Variants in ARL10 observed in about 807,000 individuals in gnomAD.
The protein encoded by ARL10 is ARF like GTPase 10, also known as ADP-ribosylation factor-like protein 10.
A neutral mutation model predicts 26.1 loss-of-function variants in ARL10; 23 were observed. That is an observed-to-expected ratio of 0.88 (90% confidence interval 0.63 to 1.25). The LOEUF (loss-of-function observed/expected upper bound fraction) is 1.25. Ranked by LOEUF, ARL10 falls within the 50% of genes most tolerant of loss-of-function variation. ARL10 has a pLI of 0.00. For synonymous variants in ARL10, 138 were observed against 149.1 expected (o/e 0.93, Z 0.54); for missense variants, 300 against 323.6 (o/e 0.93, Z 0.56).
chr5:176,411,740 C>T, the ARL10 span, among the ~76,000 whole-genome samples: 1 of 152,160 alleles, frequency 6.6e-6, no homozygotes, highest in Admixed American at 6.5e-5. Context: ...AACCCTGGAA[C>T]ATGAGGATCT....
chr5:176,366,157 C>A (rs1362790253), intron 1 of ARL10, among the ~76,000 whole-genome samples: 1 of 152,196 alleles, frequency 6.6e-6, no homozygotes, highest in South Asian at 2.1e-4. Context: ...GTCGGGACTC[C>A]GAGACCGGTG....
chr5:176,397,765 A>C, intron 1 of ARL10: 1 of 1,578,564 alleles, frequency 6.3e-7, no homozygotes, highest in Middle Eastern at 1.7e-4. Context: ...GCTGGGATGC[A>C]CAGGCCCGGC....
chr5:176,397,950 C>G, intron 1 of ARL10: 1 of 1,614,026 alleles, frequency 6.2e-7, no homozygotes, highest in Non-Finnish European at 8.5e-7. Context: ...CAGCCGTTTC[C>G]TCTGCTCCTC....
intron 1 of ARL10, among the ~76,000 whole-genome samples, chr5:176,398,719 T>C (rs1362617489): frequency 2.0e-5 from 3 of 151,704 alleles, no homozygotes; most frequent in African/African-American, 4.8e-5. Context: ...TCTCAAAAAA[T>C]AAACAAATAA....
chr5:176,386,037 T>C (rs1488293360), downstream of ARL10: 1 of 152,576 alleles, frequency 6.6e-6, no homozygotes, highest in Non-Finnish European at 1.5e-5. Flanking sequence ...TAGAGGAAGA[T>C]GGGGAGTTGT....
downstream of ARL10, chr5:176,406,334 TC>T: frequency 3.6e-6 from 4 of 1,101,154 alleles, no homozygotes; most frequent in Non-Finnish European, 4.5e-6. Flanking sequence ...TCAGTCTAGC[TC>T]CCTAGAATCC....
rs1476314506 is a variant in ARL10, at chr5:176,374,577, A to C, written c.*2682A>C. On this transcript the variant is annotated 3_prime_UTR_variant, in exon 4 of 4. Coordinates refer to ENST00000310389, the MANE Select transcript of ARL10 (RefSeq NM_173664.6). Reference sequence around the variant, plus strand: ...AAACCAAACTGATTGGAATCAAACAACTCAAGTTCAGACGATAAAAATAGT... The same window carrying C: ...AAACCAAACTGATTGGAATCAAACACCTCAAGTTCAGACGATAAAAATAGT... 6.6e-6 allele frequency: 1 copy of C among 152,166 alleles called. No homozygotes were observed. 9.4% of individuals were successfully genotyped at this position (152,166 alleles called of 1,614,324 possible).
downstream of ARL10, among the ~76,000 whole-genome samples, chr5:176,390,308 ACCTT>A (rs1468938772): frequency 4.7e-4 from 71 of 152,050 alleles, no homozygotes; most frequent in Admixed American, 4.7e-3. Flanking sequence ...CAGTAGGACA[ACCTT>A]CCTTCAGATG....
At chr5:176,403,731 C>T (rs897870203), downstream of ARL10, among the ~76,000 whole-genome samples, 4 of 151,354 alleles carry the variant, frequency 2.6e-5, no homozygotes, top group Non-Finnish European at 5.9e-5. Context: ...GGATTACAGG[C>T]GTGAGCCACG....
Position 176,366,382 on chromosome 5 carries a change from CGAGGACGAG to C in ARL10, c.199_207del (p.Asp67_Glu69del), listed in dbSNP as rs771899480. The C allele has an allele frequency of 1.0e-5, 16 of 1,607,092 alleles. No individual in the cohort carries two copies. Among genetic ancestry groups the C allele is most frequent in the Admixed American group, 8.4e-5 (5 of 59,676 alleles). On this transcript the variant is annotated inframe_deletion, in exon 2 of 4. Coordinates refer to ENST00000310389, the MANE Select transcript of ARL10 (RefSeq NM_173664.6). ...ACCTTACCTCCGCTTCCCCGCAGCC[CGAGGACGAG>C]GAGGACGAGGAGCCGGCGCTGGAGG...
At chr5:176,384,535 C>G, downstream of ARL10, 1 of 702,698 alleles carries the variant, frequency 1.4e-6, no homozygotes, top group Non-Finnish European at 2.3e-6. Context: ...GCCTGTAATC[C>G]CAACACTCTG....
At chr5:176,406,646 A>AG, downstream of ARL10, 1 of 1,289,412 alleles carries the variant, frequency 7.8e-7, no homozygotes, top group Non-Finnish European at 1.0e-6. Flanking sequence ...AGTTGTGGGC[A>AG]GGCTCGTCCT....
At chr5:176,387,034 A>G (rs1755903690) in intron 1 of ARL10, 1 of 753,572 alleles carries the variant, frequency 1.3e-6, no homozygotes, top group East Asian at 2.5e-5. Context: ...AGAAGTAGGT[A>G]ACAATGAGAA....
chr5:176,376,380 A>AG lies in ARL10; in HGVS notation c.*4487dup, dbSNP rs1768695192. 6.6e-6 allele frequency: 1 copy of AG among 150,858 alleles called. No homozygotes were observed. The highest frequency in any genetic ancestry group is 2.4e-5 in the African/African-American group (1 of 41,060). The allele number at this position is 150,858 out of a possible 1,614,324, so 9.3% of individuals were successfully genotyped here. On this transcript the variant is annotated 3_prime_UTR_variant, in exon 4 of 4. Coordinates refer to ENST00000310389, the MANE Select transcript of ARL10 (RefSeq NM_173664.6). ...CCGTCTCAAAAAAAAAAAAAAAAAA[A>AG]GGTTAGCATTCCACTCTTCCTTTGG...
chr5:176,388,858 T>C (rs542954129), downstream of ARL10: 1 of 1,614,170 alleles, frequency 6.2e-7, no homozygotes, highest in South Asian at 1.1e-5. Flanking sequence ...AGGTCCCCTT[T>C]GAACCATCGA....
intron 1 of ARL10, among the ~76,000 whole-genome samples, chr5:176,398,539 C>T (rs1484195475): frequency 1.3e-5 from 2 of 151,748 alleles, no homozygotes; most frequent in African/African-American, 4.8e-5. Flanking sequence ...GGAGAAATCC[C>T]GACTCTACTA....
downstream of ARL10, among the ~76,000 whole-genome samples, chr5:176,390,830 G>A (rs550753800): frequency 8.5e-5 from 13 of 152,252 alleles, no homozygotes; most frequent in South Asian, 2.7e-3. Context: ...ACACAGTCCC[G>A]AAGCTCTCCA....
rs777634716 is a variant in ARL10 at position 176,379,662 on chromosome 5, C to G, written c.*7767C>G. On this transcript the variant is annotated 3_prime_UTR_variant, in exon 4 of 4. Coordinates refer to ENST00000310389, the MANE Select transcript of ARL10 (RefSeq NM_173664.6). ...TCTGCAGGTTTCACAAGTAGTGTTT[C>G]TAAATGAGCTCTATAATCTGAAACC... is the stretch of plus-strand genomic sequence containing the variant. 11 of 152,214 alleles carry G rather than the reference C, an allele frequency of 7.2e-5. No individual in the cohort carries two copies. Among genetic ancestry groups the G allele is most frequent in the Admixed American group, 2.6e-4 (4 of 15,284 alleles). 9.4% of individuals were successfully genotyped at this position (152,214 alleles called of 1,614,324 possible).
exon 2 of ARL10, chr5:176,401,792 C>T: frequency 2.2e-6 from 1 of 455,940 alleles, no homozygotes; most frequent in Non-Finnish European, 4.4e-6. Context: ...GTGCTGAGGC[C>T]CCAGCCTCCT....
Sources: gnomAD v4.1 joint callset for allele counts (sites outside exome capture counted in the v4.1 genomes callset) on GRCh38, gnomAD v4.1.1 for gene constraint, MANE v1.5 for transcripts, NCBI Gene and HGNC (gene_info 2026-07-23, HGNC 2026-07-21) for gene names.